ACAP2: variants seen among roughly 807,000 people sequenced by gnomAD.
The protein encoded by ACAP2 is ArfGAP with coiled-coil, ankyrin repeat and PH domains 2.
A neutral mutation model predicts 115.8 loss-of-function variants in ACAP2; 39 were observed. That is an observed-to-expected ratio of 0.34 (90% CI 0.26 to 0.44). The LOEUF is 0.44. Among genes scored for constraint, ACAP2 ranks in the 20% least tolerant of loss-of-function variants. ACAP2 has a pLI of 1.00. For missense variants in ACAP2, 662 were observed against 927.6 expected (o/e 0.71, Z 3.72); for synonymous variants, 289 against 315.8 (o/e 0.92, Z 0.90).
chr3:195,378,837 G>T (rs948544937), intron 4 of ACAP2, among the ~76,000 whole-genome samples: 2 of 150,498 alleles, frequency 1.3e-5, no homozygotes, highest in Non-Finnish European at 3.0e-5. Flanking sequence ...CTCCAGCCTG[G>T]GAGACAGAGC....
At chr3:195,288,878 A>G (rs183459995) in intron 21 of ACAP2, among the ~76,000 whole-genome samples, 1 of 152,292 alleles carries the variant, frequency 6.6e-6, no homozygotes, top group East Asian at 1.9e-4. Context: ...AATACAAAAC[A>G]CTATAGTATA....
chr3:195,388,427 T>C (rs1213524954), intron 2 of ACAP2, among the ~76,000 whole-genome samples: 1 of 152,182 alleles, frequency 6.6e-6, no homozygotes, highest in African/African-American at 2.4e-5. Context: ...TTGAACTCCG[T>C]AGAGCAATGC....
intron 2 of ACAP2, among the ~76,000 whole-genome samples, chr3:195,388,616 C>T (rs1171041565): frequency 2.0e-5 from 3 of 152,210 alleles, no homozygotes; most frequent in African/African-American, 7.2e-5. Flanking sequence ...CCTCCACCAC[C>T]CACATTAGTC....
At chr3:195,420,504 A>ACCG (rs1714098999) in intron 1 of ACAP2, among the ~76,000 whole-genome samples, 4 of 151,936 alleles carry the variant, frequency 2.6e-5, no homozygotes, top group Non-Finnish European at 5.9e-5. Flanking sequence ...GCGTGCCACC[A>ACCG]CACCCGGCTA....
chr3:195,361,838 T>C (rs1577357932), intron 4 of ACAP2, among the ~76,000 whole-genome samples: 1 of 152,080 alleles, frequency 6.6e-6, no homozygotes, highest in African/African-American at 2.4e-5. Flanking sequence ...AAAGGAGACA[T>C]TATAACCCAT....
chr3:195,401,740 C>A (rs1222930667), intron 1 of ACAP2, among the ~76,000 whole-genome samples: 1 of 152,078 alleles, frequency 6.6e-6, no homozygotes, highest in African/African-American at 2.4e-5. Flanking sequence ...AGCAACAACC[C>A]CAGAATCACA....
At chr3:195,380,023 A>C (rs1393246461) in intron 4 of ACAP2, among the ~76,000 whole-genome samples, 1 of 152,130 alleles carries the variant, frequency 6.6e-6, no homozygotes, top group East Asian at 1.9e-4. Flanking sequence ...AACTTGGAAC[A>C]CTCAAACACT....
At chr3:195,397,830 C>A (rs1711931320) in intron 1 of ACAP2, among the ~76,000 whole-genome samples, 1 of 152,074 alleles carries the variant, frequency 6.6e-6, no homozygotes, top group South Asian at 2.1e-4. Context: ...TGCACAATCT[C>A]TTTTTGTTTT....
chr3:195,400,757 T>C (rs531446118), intron 1 of ACAP2, among the ~76,000 whole-genome samples: 1 of 152,262 alleles, frequency 6.6e-6, no homozygotes, highest in Admixed American at 6.5e-5. Flanking sequence ...CAGAGGAGAT[T>C]TCCATGAAGA....
At chr3:195,361,731 C>A (rs942801107) in intron 4 of ACAP2, among the ~76,000 whole-genome samples, 1 of 151,724 alleles carries the variant, frequency 6.6e-6, no homozygotes, top group African/African-American at 2.4e-5. Flanking sequence ...CAAAAATCAA[C>A]GAAACAAAAA....
At chr3:195,434,312 A>G (rs112558341) in intron 1 of ACAP2, among the ~76,000 whole-genome samples, 60 of 152,112 alleles carry the variant, frequency 3.9e-4, no homozygotes, top group African/African-American at 1.4e-3. Context: ...AGCTCACTGT[A>G]GCCTCAACAT....
At chr3:195,303,790 C>T (rs994017270) in intron 13 of ACAP2, among the ~76,000 whole-genome samples, 1 of 152,054 alleles carries the variant, frequency 6.6e-6, no homozygotes, top group African/African-American at 2.4e-5. Context: ...GCTACATGGC[C>T]ATAATGACCG....
chr3:195,436,121 A>G lies in ACAP2; in HGVS notation c.53+6674T>C, dbSNP rs6763351. The stretch of plus-strand genomic sequence containing the variant: ...CACACAGATATATACATATATATGT[A>G]TATATATATATATTTTTTTTTTTTG... On this transcript the variant is annotated intron_variant, in intron 1 of 22. Coordinates refer to ENST00000326793, the MANE Select transcript of ACAP2 (RefSeq NM_012287.6). Among the ~76,000 whole-genome samples the G allele has an allele frequency of 7.2e-3, 562 of 77,742 alleles. 3 individuals are homozygous for G. Among genetic ancestry groups the G allele is most frequent in the Non-Finnish European group, 0.011 (455 of 42,924 alleles). The allele number at this position is 77,742 out of a possible 152,430, so 51.0% of individuals were successfully genotyped here.
chr3:195,285,443 C>A, intron 22 of ACAP2: 1 of 191,666 alleles, frequency 5.2e-6, no homozygotes. Context: ...AACTATTTTG[C>A]TGCTGTAAGT....
intron 15 of ACAP2, among the ~76,000 whole-genome samples, chr3:195,297,825 C>G (rs1727754996): frequency 2.0e-5 from 3 of 152,112 alleles, no homozygotes; most frequent in African/African-American, 7.2e-5. Flanking sequence ...CAAACAACAC[C>G]TAGTTGTATG....
At chr3:195,419,626 C>T (rs950900864) in intron 1 of ACAP2, 1 of 152,122 alleles carries the variant, frequency 6.6e-6, no homozygotes, top group African/African-American at 2.4e-5. Context: ...ACAGACTGTC[C>T]TGGTCCCAAG....
chr3:195,328,997 G>A (rs940236806), intron 8 of ACAP2, among the ~76,000 whole-genome samples: 1 of 151,338 alleles, frequency 6.6e-6, no homozygotes, highest in African/African-American at 2.4e-5. Context: ...GGAGAATGGC[G>A]TGAACCCGGG....
At chr3:195,325,339 A>G in intron 9 of ACAP2, 1 of 419,162 alleles carries the variant, frequency 2.4e-6, no homozygotes, top group Non-Finnish European at 4.6e-6. Flanking sequence ...TGTTTCTCCA[A>G]TTGATCAATT....
At chr3:195,361,174 C>T (rs548571974) in intron 4 of ACAP2, among the ~76,000 whole-genome samples, 1 of 152,180 alleles carries the variant, frequency 6.6e-6, no homozygotes, top group African/African-American at 2.4e-5. Flanking sequence ...GTGGCTCAGG[C>T]CTATAATCCC....
Sources: gnomAD v4.1 joint callset for allele counts (sites outside exome capture counted in the v4.1 genomes callset) on GRCh38, gnomAD v4.1.1 for gene constraint, MANE v1.5 for transcripts, NCBI Gene and HGNC (gene_info 2026-07-23, HGNC 2026-07-21) for gene names.